ARHGAP44: variants seen among roughly 807,000 people sequenced by gnomAD.
ARHGAP44 encodes Rho GTPase activating protein 44, also known as rho GTPase-activating protein 44.
In ARHGAP44, 43 loss-of-function variants were observed where a neutral mutation model predicts 106.8. The observed-to-expected ratio is 0.40, with a 90% CI of 0.32 to 0.52. ARHGAP44 has a LOEUF of 0.52. Ranked by LOEUF, ARHGAP44 falls within the 20% of genes least tolerant of loss-of-function variation. The pLI is 0.48. For synonymous variants in ARHGAP44, 439 were observed against 410.3 expected (o/e 1.07, Z -0.85); for missense variants, 866 against 1,050.5 (o/e 0.82, Z 2.43).
intron 1 of ARHGAP44, among the ~76,000 whole-genome samples, chr17:12,844,964 C>T (rs2035521975): frequency 6.6e-6 from 1 of 152,094 alleles, no homozygotes. Flanking sequence ...AAATTGATGG[C>T]CACATTTGCC....
intron 15 of ARHGAP44, 129 bp downstream of exon 15, chr17:12,956,875 AC>A: frequency 1.5e-6 from 1 of 653,050 alleles, no homozygotes. Flanking sequence ...AAACACACAC[AC>A]ACACACACAC....
intron 1 of ARHGAP44, among the ~76,000 whole-genome samples, chr17:12,796,387 A>C (rs1348185815): frequency 6.6e-6 from 1 of 152,204 alleles, no homozygotes; most frequent in African/African-American, 2.4e-5. Context: ...GAAGTCTTAG[A>C]AATGTAATTG....
chr17:12,842,414 C>CAAAAA (rs558245390), intron 1 of ARHGAP44, among the ~76,000 whole-genome samples: 8 of 56,300 alleles, frequency 1.4e-4, no homozygotes, highest in Non-Finnish European at 2.1e-4. Flanking sequence ...GAGACCATCT[C>CAAAAA]AAAAAAAAAA....
At chr17:12,931,318 C>T (rs763529903) in intron 7 of ARHGAP44, among the ~76,000 whole-genome samples, 7 of 151,978 alleles carry the variant, frequency 4.6e-5, no homozygotes, top group African/African-American at 1.2e-4. Context: ...GTGATCTGCC[C>T]GCCTCAGCCT....
intron 4 of ARHGAP44, among the ~76,000 whole-genome samples, chr17:12,914,337 A>G (rs1031805719): frequency 6.6e-6 from 1 of 152,246 alleles, no homozygotes; most frequent in East Asian, 1.9e-4. Flanking sequence ...GAAATTTCCA[A>G]ACATGCACAA....
intron 1 of ARHGAP44, among the ~76,000 whole-genome samples, chr17:12,863,488 A>G (rs1425578140): frequency 6.6e-6 from 1 of 152,194 alleles, no homozygotes; most frequent in Non-Finnish European, 1.5e-5. Flanking sequence ...TGCTAAGTGT[A>G]TTTTTATAAA....
chr17:12,803,513 T>A (rs2034183526), intron 1 of ARHGAP44, among the ~76,000 whole-genome samples: 1 of 152,170 alleles, frequency 6.6e-6, no homozygotes. Context: ...AAACTTGATT[T>A]AAGAGACAGT....
At chr17:12,948,216 G>A (rs1306783617) in intron 10 of ARHGAP44, among the ~76,000 whole-genome samples, 1 of 152,138 alleles carries the variant, frequency 6.6e-6, no homozygotes, top group Non-Finnish European at 1.5e-5. Context: ...TCGCTTCATA[G>A]CTCCCTTTCA....
intron 19 of ARHGAP44, among the ~76,000 whole-genome samples, chr17:12,983,646 AAC>A (rs1404769896): frequency 6.6e-6 from 1 of 151,874 alleles, no homozygotes; most frequent in Non-Finnish European, 1.5e-5. Flanking sequence ...GTCTACTAAA[AAC>A]ACAAAATTAG....
intron 1 of ARHGAP44, among the ~76,000 whole-genome samples, chr17:12,856,410 C>T (rs780366990): frequency 1.8e-4 from 28 of 152,198 alleles, no homozygotes; most frequent in Admixed American, 8.5e-4. Context: ...CCCTTCTTCT[C>T]TGCTTCCCTA....
chr17:12,864,896 G>T (rs1597963937), intron 1 of ARHGAP44, among the ~76,000 whole-genome samples: 1 of 152,114 alleles, frequency 6.6e-6, no homozygotes, highest in Non-Finnish European at 1.5e-5. Context: ...AGATGAAGGG[G>T]AAGAAATTCT....
At chr17:12,796,570 T>C (rs2033927724) in intron 1 of ARHGAP44, among the ~76,000 whole-genome samples, 1 of 151,896 alleles carries the variant, frequency 6.6e-6, no homozygotes, top group Non-Finnish European at 1.5e-5. Context: ...ACCCCACCTC[T>C]TTTATTTTCT....
chr17:12,926,444 TAC>T (rs1341756294), intron 6 of ARHGAP44, among the ~76,000 whole-genome samples: 30 of 122,650 alleles, frequency 2.4e-4, no homozygotes, highest in African/African-American at 8.5e-4. Context: ...TATATGTATA[TAC>T]ATAATATATA....
chr17:12,851,711 A>G (rs2035747662), intron 1 of ARHGAP44, among the ~76,000 whole-genome samples: 1 of 152,278 alleles, frequency 6.6e-6, no homozygotes, highest in East Asian at 1.9e-4. Context: ...CTGGGATTAC[A>G]GGCGTGAGCC....
At chr17:12,827,643 A>G (rs1484526762) in intron 1 of ARHGAP44, among the ~76,000 whole-genome samples, 2 of 152,146 alleles carry the variant, frequency 1.3e-5, no homozygotes, top group African/African-American at 4.8e-5. Context: ...CTAGAGGTCT[A>G]ATGTACTGGT....
chr17:12,973,910 CGCCGGGAGCAGCCAGGGT>C (rs2039594885), intron 17 of ARHGAP44, 161 bp from the exon 18 acceptor site: 1 of 700,036 alleles, frequency 1.4e-6, no homozygotes, highest in Admixed American at 2.3e-5. Context: ...GTGTCTTGGC[CGCCGGGAGCAGCCAGGGT>C]GCTGGGAGCA....
rs144123430 is a variant in ARHGAP44, at chr17:12,980,151, G to A, written c.1857G>A (p.Gly619=). The A allele has an allele frequency of 1.5e-5, 25 of 1,613,486 alleles. No homozygotes were observed. Among genetic ancestry groups the A allele is most frequent in the Non-Finnish European group, 2.1e-5 (25 of 1,179,484 alleles). The part of the protein sequence containing the change: ...QGTACAGTQP[G]AQPGAQPGAS... ...CAGCCTGTGCAGGGACTCAACCAGGGGCTCAACCTGGAGCTCAGCCGGGCG... is the reference window on the plus strand; with the variant it reads ...CAGCCTGTGCAGGGACTCAACCAGGAGCTCAACCTGGAGCTCAGCCGGGCG... Residue 619 remains glycine, a synonymous_variant, in exon 19 of 21, where the codon GGG becomes GGA. Transcript: ENST00000379672.
rs1109766 is a variant in ARHGAP44 at position 12,974,357 on chromosome 17, G to C, written c.1763+47G>C. On this transcript the variant is annotated intron_variant, in intron 18 of 20. Transcript: ENST00000379672. ...CCGGGCGGGCTGGTGTGCGGTGCAG[G>C]GGGTGTCTGGGTTGGCCGCACTGGA... is the stretch of plus-strand genomic sequence containing the variant. 6.2e-3 allele frequency: 8,343 copies of C among 1,344,492 alleles called. 416 individuals carry two copies. The East Asian group carries it at 0.14, about 22-fold the overall frequency. 83.3% of individuals were successfully genotyped at this position (1,344,492 alleles called of 1,614,324 possible).
Position 12,949,376 on chromosome 17 carries a change from C to T in ARHGAP44, c.973+125C>T, listed in dbSNP as rs2038939657. The T allele has an allele frequency of 3.8e-6, 4 of 1,046,076 alleles. No individual in the cohort carries two copies. The highest frequency in any genetic ancestry group is 5.6e-6 in the Non-Finnish European group (4 of 720,018). The allele number at this position is 1,046,076 out of a possible 1,614,324, so 64.8% of individuals were successfully genotyped here. On this transcript the variant is annotated intron_variant, in intron 11 of 20. Coordinates refer to ENST00000379672, the MANE Select transcript of ARHGAP44 (RefSeq NM_014859.6). This position sits in a 1 kb window ranked among gnomAD's most constrained non-coding sequence, Gnocchi z 4.1. ...CTGCCCAAAGCACTTCAGATGTGTCCACTCAGTGCCCAGTTTCAGGGCTGG... is the reference window on the plus strand; with the variant it reads ...CTGCCCAAAGCACTTCAGATGTGTCTACTCAGTGCCCAGTTTCAGGGCTGG...
Sources: gnomAD v4.1 joint callset for allele counts (sites outside exome capture counted in the v4.1 genomes callset) on GRCh38, gnomAD v4.1.1 for gene constraint, Gnocchi (gnomAD v3.1) non-coding constraint, MANE v1.5 for transcripts, NCBI Gene and HGNC (gene_info 2026-07-23, HGNC 2026-07-21) for gene names.